The following PALMD variants were observed in gnomAD, a reference collection of about 807,000 sequenced individuals.
The protein encoded by PALMD is palmdelphin.
In PALMD, 42 loss-of-function variants were observed where a neutral mutation model predicts 56.2. That is an observed-to-expected ratio of 0.75 (90% CI 0.58 to 0.97). PALMD has a LOEUF of 0.97. Among genes scored for constraint, PALMD ranks in the 50% least tolerant of loss-of-function variants. The probability of loss-of-function intolerance (pLI) is 0.00; values close to 1 mark genes in which losing one functional copy is unlikely to be tolerated. For synonymous variants in PALMD, 242 were observed against 222.9 expected, an observed-to-expected ratio of 1.09 and a Z score of -0.76; for missense variants, 660 against 643.8, an observed-to-expected ratio of 1.03 and a Z score of -0.27.
At chr1:99,661,611 A>C (rs1652848127) in intron 1 of PALMD, among the ~76,000 whole-genome samples, 1 of 152,212 alleles carries the variant, frequency 6.6e-6, no homozygotes, top group South Asian at 2.1e-4. Flanking sequence ...GGCAAAAGTC[A>C]AACCCAGGCT....
Position 99,692,344 on chromosome 1 carries a change from A to C in PALMD, c.1613-1675A>C, listed in dbSNP as rs940834600. Among the ~76,000 whole-genome samples, 5 of 152,292 alleles carry C rather than the reference A, an allele frequency of 3.3e-5. 1 individual carries two copies. In the South Asian group the frequency reaches 1.0e-3, roughly 32 times the overall value. On this transcript the variant is annotated intron_variant, in intron 7 of 7. Coordinates refer to ENST00000263174, the MANE Select transcript of PALMD (RefSeq NM_017734.5). ...TTAGAGTCCAAGGGATAATGAGAGT[A>C]AGGAGACTTCTATCAAGTTCAGCCA... is the stretch of plus-strand genomic sequence containing the variant.
At position 99,667,757 on chromosome 1, in the gene PALMD, G is replaced by A. The variant is rs746652891; in HGVS notation, c.242G>A (p.Ser81Asn). The A allele has an allele frequency of 6.2e-7, 1 of 1,613,426 alleles. No individual in the cohort carries two copies. Among genetic ancestry groups the A allele is most frequent in the Admixed American group, 1.7e-5 (1 of 60,002 alleles). The change falls in exon 3 of 8, where the codon AGT becomes AAT. Residue 81 changes from serine (S) to asparagine (N), a missense_variant. Coordinates refer to ENST00000263174, the MANE Select transcript of PALMD (RefSeq NM_017734.5). The part of the protein sequence containing the change: ...DQHQIQVLEQ[S>N]ILRLEKEIQD... ...CACCAGATCCAGGTTCTAGAACAAA[G>A]TATCCTCAGGTATGGCCCTCACTGA...
chr1:99,671,747 T>C (rs183615378), intron 3 of PALMD, among the ~76,000 whole-genome samples: 11 of 152,276 alleles, frequency 7.2e-5, no homozygotes, highest in Admixed American at 5.2e-4. Flanking sequence ...GGACCAGGCA[T>C]TGTGCTAAAC....
chr1:99,658,554 G>A (rs573063641), intron 1 of PALMD, among the ~76,000 whole-genome samples: 63 of 151,656 alleles, frequency 4.2e-4, no homozygotes, highest in Non-Finnish European at 8.0e-4. Context: ...GGCGGATCAC[G>A]AGGTCAGGAG....
chr1:99,667,817 C>T, intron 3 of PALMD, 51 bp downstream of exon 3: 7 of 1,526,132 alleles, frequency 4.6e-6, no homozygotes, highest in Non-Finnish European at 6.3e-6. Flanking sequence ...TGACTTTATC[C>T]CATGTTGTGC....
At chr1:99,690,702 G>A (rs11166299) in intron 7 of PALMD, among the ~76,000 whole-genome samples, 3,875 of 152,020 alleles carry the variant, frequency 0.025, 181 homozygotes, top group African/African-American at 0.088. Context: ...AGTTATAATA[G>A]CTGTACTTAC....
At chr1:99,658,555 A>C (rs1652777692) in intron 1 of PALMD, among the ~76,000 whole-genome samples, 1 of 151,502 alleles carries the variant, frequency 6.6e-6, no homozygotes, top group Non-Finnish European at 1.5e-5. Context: ...GCGGATCACG[A>C]GGTCAGGAGA....
In PALMD at chr1:99,668,264, A is replaced by G. The variant is rs145950761; in HGVS notation, c.251+498A>G. On this transcript the variant is annotated intron_variant, in intron 3 of 7. Transcript: ENST00000263174. Reference sequence around the variant, plus strand: ...CTAAAAAAGACTAGGGAAACACACCAAAAGGCCACAGTAGAAATTTTACTA... The same window carrying G: ...CTAAAAAAGACTAGGGAAACACACCGAAAGGCCACAGTAGAAATTTTACTA... 824 of 153,716 alleles carry G rather than the reference A, an allele frequency of 5.4e-3. 3 individuals carry two copies. Among genetic ancestry groups the G allele is most frequent in the Non-Finnish European group, 8.4e-3 (581 of 68,920 alleles). The allele number at this position is 153,716 out of a possible 1,614,324, so 9.5% of individuals were successfully genotyped here.
chr1:99,682,743 T>C (rs1463172156), intron 3 of PALMD, among the ~76,000 whole-genome samples: 2 of 151,922 alleles, frequency 1.3e-5, no homozygotes, highest in African/African-American at 4.8e-5. Flanking sequence ...ATCGGGCTCA[T>C]GCCTGTAATC....
chr1:99,674,195 T>C (rs1653153402), intron 3 of PALMD, among the ~76,000 whole-genome samples: 1 of 152,178 alleles, frequency 6.6e-6, no homozygotes, highest in Non-Finnish European at 1.5e-5. Flanking sequence ...CATTCATTCT[T>C]GCTCATACCT....
chr1:99,647,514 T>C (rs1029829214), intron 1 of PALMD, among the ~76,000 whole-genome samples: 2 of 152,242 alleles, frequency 1.3e-5, no homozygotes, highest in African/African-American at 4.8e-5. Context: ...AAAACAATGC[T>C]TTGTTAAATG....
rs796101760 is a variant in PALMD, at chr1:99,683,100, A to G, written c.252-3576A>G. Among the ~76,000 whole-genome samples the G allele has an allele frequency of 2.5e-3, 175 of 70,946 alleles. 4 individuals carry two copies. Among genetic ancestry groups the G allele is most frequent in the East Asian group, 9.4e-3 (25 of 2,670 alleles). 46.5% of individuals were successfully genotyped at this position (70,946 alleles called of 152,430 possible). On this transcript the variant is annotated intron_variant, in intron 3 of 7. Transcript: ENST00000263174. ...AGAGAGAGAGAGAGAGAAAGAAAGA[A>G]AGAAAGAAAGAAAGAAAGAAAGAAA...
intron 3 of PALMD, among the ~76,000 whole-genome samples, chr1:99,675,566 C>G (rs1653180533): frequency 6.6e-6 from 1 of 152,106 alleles, no homozygotes; most frequent in Admixed American, 6.6e-5. Context: ...CTACAAGGTC[C>G]TCTACAAGCC....
At chr1:99,674,437 TA>T (rs966972177) in intron 3 of PALMD, among the ~76,000 whole-genome samples, 1 of 152,132 alleles carries the variant, frequency 6.6e-6, no homozygotes, top group African/African-American at 2.4e-5. Context: ...TAGAAAGCTA[TA>T]AATCTGGCAA....
At chr1:99,684,533 T>C (rs1321092365) in intron 3 of PALMD, 2 of 149,786 alleles carry the variant, frequency 1.3e-5, no homozygotes, top group Non-Finnish European at 2.9e-5. Context: ...GTTTGTTTGT[T>C]TGTTTGTTAG....
intron 3 of PALMD, chr1:99,683,133 A>C (rs1489102018): frequency 7.8e-6 from 1 of 127,884 alleles, no homozygotes; most frequent in Admixed American, 7.3e-5. Context: ...AAAGAAAGAA[A>C]GAAAGAAAGA....
chr1:99,665,329 C>T, intron 2 of PALMD, among the ~76,000 whole-genome samples: 1 of 152,124 alleles, frequency 6.6e-6, no homozygotes, highest in Middle Eastern at 3.2e-3. Flanking sequence ...TTATTATACT[C>T]ATTAGCCTCA....
chr1:99,651,312 G>A (rs917143077), intron 1 of PALMD, among the ~76,000 whole-genome samples: 22 of 152,184 alleles, frequency 1.4e-4, no homozygotes, highest in African/African-American at 4.8e-4. Flanking sequence ...AGCTCATTAA[G>A]GAAACTGCTT....
At chr1:99,648,164 G>A (rs1417643012) in intron 1 of PALMD, among the ~76,000 whole-genome samples, 1 of 152,178 alleles carries the variant, frequency 6.6e-6, no homozygotes, top group Non-Finnish European at 1.5e-5. Context: ...TTCTAGCTTG[G>A]AAGTAATATA....
Sources: gnomAD v4.1 joint callset for allele counts (sites outside exome capture counted in the v4.1 genomes callset) on GRCh38, gnomAD v4.1.1 for gene constraint, MANE v1.5 for transcripts, NCBI Gene and HGNC (gene_info 2026-07-23, HGNC 2026-07-21) for gene names.